CACNA1D: variants seen among roughly 807,000 people sequenced by gnomAD.
CACNA1D encodes voltage-dependent L-type calcium channel subunit alpha-1D.
CACNA1D carries 55 observed loss-of-function variants against 257.1 expected under a neutral mutation model. The ratio of observed to expected loss-of-function variants is 0.21; its 90% CI spans 0.17 to 0.27. The LOEUF is 0.27. Ranked by LOEUF, CACNA1D falls within the 10% of genes least tolerant of loss-of-function variation. CACNA1D has a pLI of 1.00. For synonymous variants in CACNA1D, 980 were observed against 1,014.9 expected (o/e 0.97, Z 0.65); for missense variants, 1,876 against 2,784.0 (o/e 0.67, Z 7.34).
At chr3:53,717,351 G>C (rs924559564) in intron 9 of CACNA1D, among the ~76,000 whole-genome samples, 2 of 152,212 alleles carry the variant, frequency 1.3e-5, no homozygotes, top group Non-Finnish European at 2.9e-5. Context: ...CCAGGTGGGT[G>C]CAGTGCTGTG....
chr3:53,811,528 T>A lies in CACNA1D; in HGVS notation c.*122T>A. On this transcript the variant is annotated 3_prime_UTR_variant, in exon 48 of 48. Transcript: ENST00000350061. The surrounding 1 kb of genome is among the most constrained non-coding windows in gnomAD (Gnocchi z 4.2). ...GGAGTAATATTCAATTAATTAGACTTTTGTATAAGAGATGTCATGCCTCAA... is the reference window on the plus strand; with the variant it reads ...GGAGTAATATTCAATTAATTAGACTATTGTATAAGAGATGTCATGCCTCAA... 3.8e-6 allele frequency: 3 copies of A among 789,214 alleles called. No individual in the cohort carries two copies. Among genetic ancestry groups the A allele is most frequent in the Non-Finnish European group, 5.8e-6 (3 of 513,786 alleles). 48.9% of individuals were successfully genotyped at this position (789,214 alleles called of 1,614,324 possible). A position where few individuals can be genotyped will look rare whatever the true frequency, so the allele number is the denominator to read the frequency against.
intron 3 of CACNA1D, among the ~76,000 whole-genome samples, chr3:53,582,809 G>A (rs1010465886): frequency 1.3e-5 from 2 of 152,122 alleles, no homozygotes; most frequent in African/African-American, 4.8e-5. Flanking sequence ...GACTTGGTGA[G>A]GGGATCTGTG....
intron 3 of CACNA1D, among the ~76,000 whole-genome samples, chr3:53,535,426 G>A (rs1205675451): frequency 6.6e-6 from 1 of 152,198 alleles, no homozygotes; most frequent in Non-Finnish European, 1.5e-5. Flanking sequence ...TGTCACTTCC[G>A]TTTAAAGGTA....
At chr3:53,758,034 G>A (rs1429771493) in intron 29 of CACNA1D, among the ~76,000 whole-genome samples, 1 of 152,166 alleles carries the variant, frequency 6.6e-6, no homozygotes. Flanking sequence ...GTAGCTTCCT[G>A]GTGGTAGCTC....
At chr3:53,738,609 T>C (rs1296658636) in intron 20 of CACNA1D, among the ~76,000 whole-genome samples, 1 of 152,210 alleles carries the variant, frequency 6.6e-6, no homozygotes, top group African/African-American at 2.4e-5. Flanking sequence ...TTATTTTTAA[T>C]TATAACTGCT....
intron 39 of CACNA1D, 87 bp downstream of exon 39, chr3:53,781,754 AAAATGCTTTATGTATCATTTAG>A: frequency 3.3e-6 from 3 of 908,878 alleles, no homozygotes; most frequent in Non-Finnish European, 5.6e-6. Flanking sequence ...GAGTGTTTGC[AAAATGCTTTATGTATCATTTAG>A]AGCATTAAGG....
chr3:53,716,099 G>A (rs866197654), intron 9 of CACNA1D, among the ~76,000 whole-genome samples: 1 of 152,232 alleles, frequency 6.6e-6, no homozygotes, highest in South Asian at 2.1e-4. Flanking sequence ...AGTCTTTTCA[G>A]AAGTTTGCTC....
At position 53,506,415 on chromosome 3, in the gene CACNA1D, G is replaced by C. The variant is rs181711323; in HGVS notation, c.483+4695G>C. Reference sequence around the variant, plus strand: ...TGCTCATGGGCTGTGGGGTCTGACAGCCTGACTCTTTGGCTGATTAGCTGA... The same window carrying C: ...TGCTCATGGGCTGTGGGGTCTGACACCCTGACTCTTTGGCTGATTAGCTGA... On this transcript the variant is annotated intron_variant, in intron 3 of 47. Coordinates refer to ENST00000350061, the MANE Select transcript of CACNA1D (RefSeq NM_001128840.3). Among the ~76,000 whole-genome samples, 3 of 152,300 alleles carry C rather than the reference G, an allele frequency of 2.0e-5. 1 individual carries two copies. Among genetic ancestry groups the C allele is most frequent in the Admixed American group, 2.0e-4 (3 of 15,296 alleles).
At chr3:53,660,751 C>T (rs2094195880) in intron 5 of CACNA1D, among the ~76,000 whole-genome samples, 1 of 152,024 alleles carries the variant, frequency 6.6e-6, no homozygotes, top group Non-Finnish European at 1.5e-5. Flanking sequence ...AGATCCTCTA[C>T]TATCAGGAAC....
chr3:53,548,594 T>C (rs1290117598), intron 3 of CACNA1D, among the ~76,000 whole-genome samples: 1 of 152,100 alleles, frequency 6.6e-6, no homozygotes, highest in African/African-American at 2.4e-5. Context: ...ACTTCTCTGG[T>C]TCTTCTTTCT....
chr3:53,757,243 C>G (rs1377874606), intron 29 of CACNA1D, among the ~76,000 whole-genome samples: 1 of 152,134 alleles, frequency 6.6e-6, no homozygotes, highest in African/African-American at 2.4e-5. Context: ...CTTCATGACC[C>G]CATCTGTTCT....
chr3:53,742,376 T>C (rs1025779606), intron 21 of CACNA1D, among the ~76,000 whole-genome samples: 2 of 152,216 alleles, frequency 1.3e-5, no homozygotes, highest in African/African-American at 4.8e-5. Flanking sequence ...TAATAGGTGC[T>C]CCAGGTACAT....
At chr3:53,671,400 G>T (rs1353788370) in intron 7 of CACNA1D, among the ~76,000 whole-genome samples, 1 of 152,216 alleles carries the variant, frequency 6.6e-6, no homozygotes, top group East Asian at 1.9e-4. Flanking sequence ...ACAAGCCCAG[G>T]TGGGGCTCTG....
intron 3 of CACNA1D, among the ~76,000 whole-genome samples, chr3:53,525,966 T>C (rs1423982312): frequency 6.6e-6 from 1 of 152,198 alleles, no homozygotes; most frequent in Non-Finnish European, 1.5e-5. Flanking sequence ...ACTTCCTGTA[T>C]GTTGATTCCA....
In CACNA1D at chr3:53,696,305, A is replaced by G. The variant is rs191114122; in HGVS notation, c.1221-6336A>G. 9.2e-5 allele frequency among the ~76,000 whole-genome samples: 14 copies of G among 152,134 alleles called. No homozygotes were observed. The East Asian group carries it at 2.7e-3, about 29-fold the overall frequency. On this transcript the variant is annotated intron_variant, in intron 8 of 47. Coordinates refer to ENST00000350061, the MANE Select transcript of CACNA1D (RefSeq NM_001128840.3). The stretch of plus-strand genomic sequence containing the variant: ...TTTGATCCTCATCCTCCTGGTGTCT[A>G]CCTTCTCCTTCCTCTGCTCCTGCTT...
At chr3:53,541,743 G>A (rs944938985) in intron 3 of CACNA1D, among the ~76,000 whole-genome samples, 1 of 152,154 alleles carries the variant, frequency 6.6e-6, no homozygotes, top group South Asian at 2.1e-4. Context: ...GAGGAAGGTG[G>A]AGTGTTGACT....
At chr3:53,740,773 T>G (rs1442724675) in intron 21 of CACNA1D, among the ~76,000 whole-genome samples, 2 of 152,216 alleles carry the variant, frequency 1.3e-5, no homozygotes, top group Non-Finnish European at 2.9e-5. Flanking sequence ...TGTCAACTGA[T>G]AACACATATA....
chr3:53,566,845 G>A (rs1313982531), intron 3 of CACNA1D, among the ~76,000 whole-genome samples: 2 of 152,132 alleles, frequency 1.3e-5, no homozygotes, highest in Admixed American at 1.3e-4. Context: ...TAAGCACCTT[G>A]AGACAAAGGT....
chr3:53,602,808 C>G (rs1225349039), intron 3 of CACNA1D, among the ~76,000 whole-genome samples: 2 of 152,010 alleles, frequency 1.3e-5, no homozygotes, highest in Non-Finnish European at 2.9e-5. Flanking sequence ...TTTTTTTCCC[C>G]CTATTGAGTT....
Sources: allele counts gnomAD v4.1 joint callset (sites outside exome capture counted in the v4.1 genomes callset), GRCh38; gene constraint gnomAD v4.1.1; non-coding constraint Gnocchi (gnomAD v3.1); transcripts MANE v1.5; gene names NCBI Gene and HGNC (gene_info 2026-07-23, HGNC 2026-07-21).